NAP1L1: variants seen among roughly 807,000 people sequenced by gnomAD.
The protein encoded by NAP1L1 is nucleosome assembly protein 1-like 1.
NAP1L1 carries 9 observed loss-of-function variants against 58.9 expected under a neutral mutation model. The ratio of observed to expected loss-of-function variants is 0.15; its 90% confidence interval spans 0.09 to 0.27. The LOEUF is 0.27. Ranked by LOEUF, NAP1L1 falls within the 10% of genes least tolerant of loss-of-function variation. The pLI, the probability that NAP1L1 is intolerant of heterozygous loss-of-function variation, is 1.00. For missense variants in NAP1L1, 302 were observed against 458.8 expected (o/e 0.66, Z 3.12); for synonymous variants, 130 against 138.3 (o/e 0.94, Z 0.42).
chr12:76,053,088 T>TACCAGTTGAATTCAACAATTCA lies in NAP1L1; in HGVS notation c.936+2_936+3insTGAATTGTTGAATTCAACTGGT. ...TCAATAAATATATAACAATTCAACT[T>TACCAGTTGAATTCAACAATTCA]ACCAGATCTCCACTCTCAGGAACTG... On this transcript the variant is annotated splice_region_variant and intron_variant, in intron 11 of 14. Coordinates refer to ENST00000618691, the MANE Select transcript of NAP1L1 (RefSeq NM_004537.7). The TACCAGTTGAATTCAACAATTCA allele has an allele frequency of 6.2e-7, 1 of 1,606,554 alleles. No individual in the cohort carries two copies. Among genetic ancestry groups the TACCAGTTGAATTCAACAATTCA allele is most frequent in the Non-Finnish European group, 8.5e-7 (1 of 1,174,972 alleles).
chr12:76,059,730 C>T lies in NAP1L1; in HGVS notation c.429+68G>A, dbSNP rs571719837. The T allele has an allele frequency of 1.2e-3, 1,356 of 1,129,814 alleles. 4 individuals carry two copies. The highest frequency in any genetic ancestry group is 1.6e-3 in the Non-Finnish European group (1,205 of 766,154). 70.0% of individuals were successfully genotyped at this position (1,129,814 alleles called of 1,614,324 possible). A position where few individuals can be genotyped will look rare whatever the true frequency, so the allele number is the denominator to read the frequency against. ...TAATATTGTACTCCATCATTAAATG[C>T]TAACATTTCTGACAAGTCCTAAGAT... On this transcript the variant is annotated intron_variant, in intron 6 of 14. Transcript: ENST00000618691.
intron 2 of NAP1L1, among the ~76,000 whole-genome samples, chr12:76,071,132 A>C (rs1949934207): frequency 6.6e-6 from 1 of 152,184 alleles, no homozygotes; most frequent in Non-Finnish European, 1.5e-5. Flanking sequence ...TCATAGATGC[A>C]AACTCATGGA....
intron 3 of NAP1L1, 118 bp downstream of exon 3, chr12:76,068,791 A>T: frequency 3.1e-6 from 2 of 651,544 alleles, no homozygotes; most frequent in South Asian, 3.4e-5. Flanking sequence ...AGAAGTATGG[A>T]CCAGTAGATA....
intron 2 of NAP1L1, among the ~76,000 whole-genome samples, chr12:76,072,543 G>A (rs774558756): frequency 2.0e-5 from 3 of 151,984 alleles, no homozygotes; most frequent in Non-Finnish European, 2.9e-5. Context: ...GAATATCCCT[G>A]AACTAAAAGC....
intron 11 of NAP1L1, among the ~76,000 whole-genome samples, chr12:76,051,999 G>A (rs1948857029): frequency 6.6e-6 from 1 of 151,600 alleles, no homozygotes; most frequent in African/African-American, 2.4e-5. Flanking sequence ...GGATGACAGA[G>A]CAATACTTCA....
intron 12 of NAP1L1, 29 bp from the exon 13 acceptor site, chr12:76,049,814 G>C: frequency 6.2e-7 from 1 of 1,611,088 alleles, no homozygotes; most frequent in South Asian, 1.1e-5. Flanking sequence ...GTTAAGTGTT[G>C]AGTGAATGTA....
chr12:76,063,228 G>A (rs373471681), intron 4 of NAP1L1, among the ~76,000 whole-genome samples: 2 of 152,064 alleles, frequency 1.3e-5, no homozygotes, highest in East Asian at 3.9e-4. Context: ...AAAAATAGAG[G>A]GCCAGAGAAA....
chr12:76,074,119 A>G, intron 2 of NAP1L1, 84 bp downstream of exon 2: 4 of 1,168,896 alleles, frequency 3.4e-6, no homozygotes, highest in Non-Finnish European at 5.1e-6. Context: ...TTTTCATAAT[A>G]TATAATTCAT....
chr12:76,055,645 G>T (rs577492154), intron 7 of NAP1L1, among the ~76,000 whole-genome samples: 38 of 152,302 alleles, frequency 2.5e-4, no homozygotes, highest in African/African-American at 8.9e-4. Flanking sequence ...CATTGTGAAT[G>T]AGTTTAACAT....
At position 76,075,454 on chromosome 12, in the gene NAP1L1, C is replaced by T. The variant is rs138196422; in HGVS notation, c.-20-1215G>A. 1.6e-3 allele frequency among the ~76,000 whole-genome samples: 241 copies of T among 152,252 alleles called. 1 individual carries two copies. Among genetic ancestry groups the T allele is most frequent in the African/African-American group, 5.3e-3 (221 of 41,544 alleles). ...ACAAAGAGTTAAAAATGGAAAACATCCTGATTTTAGCAGTTAAGTGCTAAT... is the reference window on the plus strand; with the variant it reads ...ACAAAGAGTTAAAAATGGAAAACATTCTGATTTTAGCAGTTAAGTGCTAAT... On this transcript the variant is annotated intron_variant, in intron 1 of 14. Transcript: ENST00000618691.
chr12:76,053,384 T>C (rs773440562), intron 9 of NAP1L1, 34 bp from the exon 10 acceptor site: 63 of 1,594,664 alleles, frequency 4.0e-5, no homozygotes, highest in Non-Finnish European at 5.2e-5. Flanking sequence ...CTATTACAAT[T>C]GACAATCTTT....
chr12:76,061,039 G>A, intron 4 of NAP1L1: 1 of 445,736 alleles, frequency 2.2e-6, no homozygotes, highest in Non-Finnish European at 4.5e-6. Flanking sequence ...GCTGAATTGA[G>A]CAAGATTGCA....
chr12:76,063,208 C>A (rs1346736443), intron 4 of NAP1L1, among the ~76,000 whole-genome samples: 1 of 151,964 alleles, frequency 6.6e-6, no homozygotes, highest in East Asian at 1.9e-4. Context: ...AAATTTCTTT[C>A]CTTGAAGGGA....
At chr12:76,066,064 A>C (rs1949651709) in intron 4 of NAP1L1, among the ~76,000 whole-genome samples, 1 of 150,922 alleles carries the variant, frequency 6.6e-6, no homozygotes, top group South Asian at 2.1e-4. Flanking sequence ...AAAAAAAAAA[A>C]AAAAACTAGC....
At chr12:76,057,327 CTT>C in intron 6 of NAP1L1, 1 of 335,608 alleles carries the variant, frequency 3.0e-6, no homozygotes, top group Non-Finnish European at 5.7e-6. Context: ...GAAATAATGA[CTT>C]TTTGAGTACA....
Position 76,037,966 on chromosome 12 carries a change from ATT to A in NAP1L1, c.*10461_*10462del, listed in dbSNP as rs1163696629. On this transcript the variant is annotated 3_prime_UTR_variant, in exon 15 of 15. Transcript: ENST00000618691. ...TCAAAATGGGCAAGCAGGCTATCTTATTGAGTATTAACAAGTAACCAGGAAGT... is the reference window on the plus strand; with the variant it reads ...TCAAAATGGGCAAGCAGGCTATCTTAGAGTATTAACAAGTAACCAGGAAGT... 1 of 152,226 alleles carries A rather than the reference ATT, an allele frequency of 6.6e-6. No homozygotes were observed. The highest frequency in any genetic ancestry group is 6.5e-5 in the Admixed American group (1 of 15,290). 9.4% of individuals were successfully genotyped at this position (152,226 alleles called of 1,614,324 possible).
At chr12:76,067,775 G>C (rs1031353923) in intron 3 of NAP1L1, among the ~76,000 whole-genome samples, 5 of 152,116 alleles carry the variant, frequency 3.3e-5, no homozygotes, top group South Asian at 2.1e-4. Context: ...TGCATTTTAA[G>C]AAGCTCAAAG....
At position 76,047,183 on chromosome 12, in the gene NAP1L1, TTA is replaced by T. The variant is rs1264611572; in HGVS notation, c.*1244_*1245del. The T allele has an allele frequency of 3.9e-5, 6 of 152,564 alleles. No individual in the cohort carries two copies. The East Asian group carries it at 5.8e-4, about 15-fold the overall frequency. 9.5% of individuals were successfully genotyped at this position (152,564 alleles called of 1,614,324 possible). Reference sequence around the variant, plus strand: ...GAGCTTTTAACAAGATTGAGAAACATTATATGAGATTTAACTCAATATGCCTT... The same window carrying T: ...GAGCTTTTAACAAGATTGAGAAACATTATGAGATTTAACTCAATATGCCTT... On this transcript the variant is annotated 3_prime_UTR_variant, in exon 15 of 15. Coordinates refer to ENST00000618691, the MANE Select transcript of NAP1L1 (RefSeq NM_004537.7).
At chr12:76,055,146 T>C (rs1463098495) in intron 7 of NAP1L1, 56 bp from the exon 8 acceptor site, 2 of 1,226,466 alleles carry the variant, frequency 1.6e-6, no homozygotes, top group Non-Finnish European at 2.3e-6. Flanking sequence ...GACTGTGTTC[T>C]GTTACTACAC....
Sources: allele counts gnomAD v4.1 joint callset (sites outside exome capture counted in the v4.1 genomes callset), GRCh38; gene constraint gnomAD v4.1.1; transcripts MANE v1.5; gene names NCBI Gene and HGNC (gene_info 2026-07-23, HGNC 2026-07-21).